The following RHNO1 variants were observed in gnomAD, a reference collection of about 807,000 sequenced individuals.
The protein encoded by RHNO1 is RAD9-HUS1-RAD1 interacting nuclear orphan 1.
RHNO1 carries 9 observed loss-of-function variants against 7.2 expected under a neutral mutation model. That is an observed-to-expected ratio of 1.25 (90% confidence interval 0.75 to 2.18). The LOEUF is 2.18. RHNO1 is among the 30% of genes most tolerant of loss of function. The pLI, the probability that RHNO1 is intolerant of heterozygous loss-of-function variation, is 0.00. For synonymous variants in RHNO1, 95 were observed against 107.5 expected (o/e 0.88, Z 0.72); for missense variants, 292 against 284.5 (o/e 1.03, Z -0.19).
chr12:2,886,289 A>G (rs568981251), intron 2 of RHNO1: 2 of 152,184 alleles, frequency 1.3e-5, no homozygotes, highest in African/African-American at 4.8e-5. Flanking sequence ...TTATTGTGTA[A>G]TGGATTGAAC....
At chr12:2,882,905 T>C (rs1430339018) in intron 1 of RHNO1, among the ~76,000 whole-genome samples, 1 of 151,466 alleles carries the variant, frequency 6.6e-6, no homozygotes, top group Admixed American at 6.6e-5. Context: ...CTATAAAAAA[T>C]GTTTCAAAAA....
chr12:2,884,587 T>G (rs997520743), intron 1 of RHNO1, among the ~76,000 whole-genome samples: 4 of 151,478 alleles, frequency 2.6e-5, no homozygotes, highest in African/African-American at 9.7e-5. Flanking sequence ...GGTCTCAAAC[T>G]CCTGACCTCA....
chr12:2,883,908 G>A (rs7133567), intron 1 of RHNO1, among the ~76,000 whole-genome samples: 38,306 of 151,838 alleles, frequency 0.25, 5,814 homozygotes, highest in East Asian at 0.44. Flanking sequence ...TATTGGAGCT[G>A]GATAATTGGT....
In RHNO1 at chr12:2,888,287, G is replaced by T. The variant is rs750091697; in HGVS notation, c.545G>T (p.Cys182Phe). ...QDQKENSLLSCTLHTGTPNSP... is the reference protein window; with the variant it reads ...QDQKENSLLSFTLHTGTPNSP... ...CAGAAGGAAAACAGCCTTCTAAGCT[G>T]CACTCTTCACACTGGCACTCCTAAT... Residue 182 changes from cysteine (C) to phenylalanine (F), a missense_variant, in exon 3 of 3, where the codon TGC becomes TTC. Physicochemically the swap from Cys to Phe is radical, Grantham distance 205 (BLOSUM62 -2). Transcript: ENST00000489288. The T allele has an allele frequency of 6.8e-6, 11 of 1,613,984 alleles. No individual in the cohort carries two copies. The highest frequency in any genetic ancestry group is 9.3e-6 in the Non-Finnish European group (11 of 1,180,032).
Position 2,885,358 on chromosome 12 carries a change from C to G in RHNO1, c.-9C>G. 4.3e-6 allele frequency: 7 copies of G among 1,611,496 alleles called. No individual in the cohort carries two copies. Among genetic ancestry groups the G allele is most frequent in the Non-Finnish European group, 5.9e-6 (7 of 1,178,854 alleles). Reference sequence around the variant, plus strand: ...ATGTGGTTACTAACTGTTCCTCATTCACCGGTTGATGCCTCCCAGAAAAAA... The same window carrying G: ...ATGTGGTTACTAACTGTTCCTCATTGACCGGTTGATGCCTCCCAGAAAAAA... On this transcript the variant is annotated 5_prime_UTR_variant, in exon 2 of 3. It introduces an in-frame stop codon into an upstream open reading frame of the 5' UTR. Coordinates refer to ENST00000489288, the MANE Select transcript of RHNO1 (RefSeq NM_001252499.3).
At chr12:2,883,509 A>AT (rs1169837648) in intron 1 of RHNO1, among the ~76,000 whole-genome samples, 8 of 24,232 alleles carry the variant, frequency 3.3e-4, no homozygotes, top group South Asian at 1.9e-3. Context: ...ATATATATAT[A>AT]TATTTTTTTT....
chr12:2,882,481 T>C (rs2098159148), intron 1 of RHNO1, among the ~76,000 whole-genome samples: 1 of 151,780 alleles, frequency 6.6e-6, no homozygotes, highest in African/African-American at 2.4e-5. Flanking sequence ...GGCAGATCAG[T>C]TGAGGTCTCA....
rs903137100 is a variant in RHNO1, at chr12:2,889,443, A to C, written c.*984A>C. The C allele has an allele frequency of 4.6e-5, 7 of 152,200 alleles. No homozygotes were observed. The highest frequency in any genetic ancestry group is 1.7e-4 in the African/African-American group (7 of 41,450). 9.4% of individuals were successfully genotyped at this position (152,200 alleles called of 1,614,324 possible). On this transcript the variant is annotated 3_prime_UTR_variant, in exon 3 of 3. Coordinates refer to ENST00000489288, the MANE Select transcript of RHNO1 (RefSeq NM_001252499.3). ...GTATTACTTATTGTAATTAATGCAG[A>C]AGGACTTCCCCAGTCAACCGAATGT...
At chr12:2,880,578 C>T (rs901753627) in intron 1 of RHNO1, among the ~76,000 whole-genome samples, 15 of 151,050 alleles carry the variant, frequency 9.9e-5, no homozygotes, top group African/African-American at 3.7e-4. Flanking sequence ...CACGCTACTG[C>T]ACTCCAGCCT....
intron 1 of RHNO1, among the ~76,000 whole-genome samples, chr12:2,884,046 C>T (rs189717749): frequency 6.3e-4 from 95 of 151,758 alleles, no homozygotes; most frequent in Middle Eastern, 3.4e-3. Context: ...ATGGTGTCAC[C>T]TGTTTTTTTT....
At position 2,888,492 on chromosome 12, in the gene RHNO1, T is replaced by C. The variant is rs1181968900; in HGVS notation, c.*33T>C. ...CAGTAATCTCAATAGAAAAGAGATA[T>C]GTTTTCTGGAGTCATAAAGGAATTC... On this transcript the variant is annotated 3_prime_UTR_variant, in exon 3 of 3. Coordinates refer to ENST00000489288, the MANE Select transcript of RHNO1 (RefSeq NM_001252499.3). The C allele has an allele frequency of 7.3e-6, 11 of 1,510,832 alleles. No homozygotes were observed. The highest frequency in any genetic ancestry group is 4.5e-5 in the Admixed American group (2 of 44,416). 93.6% of individuals were successfully genotyped at this position (1,510,832 alleles called of 1,614,324 possible). A position where few individuals can be genotyped will look rare whatever the true frequency, so the allele number is the denominator to read the frequency against.
intron 1 of RHNO1, among the ~76,000 whole-genome samples, chr12:2,883,296 A>C (rs1463844647): frequency 6.0e-5 from 9 of 150,504 alleles, no homozygotes; most frequent in Non-Finnish European, 1.5e-5. Context: ...GGATCACCTG[A>C]GCCTGGGAGG....
upstream of RHNO1, chr12:2,876,422 G>T (rs1453698374): frequency 6.6e-6 from 1 of 152,182 alleles, no homozygotes; most frequent in Non-Finnish European, 1.5e-5. Context: ...TCTTGCCCGG[G>T]AAACTTCCAG....
chr12:2,883,999 G>T (rs1004062587), intron 1 of RHNO1, among the ~76,000 whole-genome samples: 3 of 151,980 alleles, frequency 2.0e-5, no homozygotes, highest in African/African-American at 7.3e-5. Context: ...TAAAAGCCAG[G>T]TGGGATCAAA....
At position 2,888,341 on chromosome 12, in the gene RHNO1, A is replaced by C. The variant is rs145168205; in HGVS notation, c.599A>C (p.Lys200Thr). ...NSPEPGPVLV[K>T]DTPEDKYGIK... ...CCAGAGCCTGGACCTGTTCTGGTTA[A>C]AGACACCCCCGAGGACAAGTATGGA... The change falls in exon 3 of 3, where the codon AAA becomes ACA. Residue 200 changes from lysine (K) to threonine (T), a missense_variant. By Grantham distance (78) the Lys-to-Thr change is moderately conservative (BLOSUM62 -1). Coordinates refer to ENST00000489288, the MANE Select transcript of RHNO1 (RefSeq NM_001252499.3). 199 of 1,614,056 alleles carry C rather than the reference A, an allele frequency of 1.2e-4. No homozygotes were observed. The highest frequency in any genetic ancestry group is 1.6e-4 in the Non-Finnish European group (186 of 1,180,036).
rs1468402290 is a variant in RHNO1 at position 2,877,223 on chromosome 12, A to C, written c.-144A>C. On this transcript the variant is annotated 5_prime_UTR_variant, in exon 1 of 3. Transcript: ENST00000489288. ...CAATCGGCGCCGGCCTTGTCTCGGC[A>C]TTCCGGGCTCGAAGGCTGTGCGGTC... The C allele has an allele frequency of 1.3e-5, 2 of 152,242 alleles. No individual in the cohort carries two copies. The highest frequency in any genetic ancestry group is 4.8e-5 in the African/African-American group (2 of 41,448). The allele number at this position is 152,242 out of a possible 1,614,324, so 9.4% of individuals were successfully genotyped here.
At chr12:2,884,102 C>T (rs1202149249) in intron 1 of RHNO1, among the ~76,000 whole-genome samples, 2 of 151,912 alleles carry the variant, frequency 1.3e-5, no homozygotes, top group Non-Finnish European at 2.9e-5. Context: ...GCTTTGTCTC[C>T]CAGGCTGGAG....
chr12:2,886,997 G>A (rs1444474449), intron 2 of RHNO1: 1 of 455,814 alleles, frequency 2.2e-6, no homozygotes, highest in African/African-American at 2.0e-5. Flanking sequence ...TAGGTGCTGG[G>A]AATCAAGAAC....
upstream of RHNO1, chr12:2,876,492 C>T (rs963858046): frequency 1.3e-5 from 2 of 152,246 alleles, no homozygotes; most frequent in African/African-American, 4.8e-5. Flanking sequence ...TTCTCAAGAA[C>T]CAGGAAAAGG....
Sources: allele counts gnomAD v4.1 joint callset (sites outside exome capture counted in the v4.1 genomes callset), GRCh38; gene constraint gnomAD v4.1.1; transcripts MANE v1.5; gene names NCBI Gene and HGNC (gene_info 2026-07-23, HGNC 2026-07-21).